Variants in SHROOM3 observed in about 807,000 individuals in gnomAD.
The protein encoded by SHROOM3 is shroom family member 3.
SHROOM3 carries 47 observed loss-of-function variants against 138.6 expected under a neutral mutation model. The ratio of observed to expected loss-of-function variants is 0.34; its 90% CI spans 0.27 to 0.43. The LOEUF (loss-of-function observed/expected upper bound fraction) is 0.43. SHROOM3 is among the 20% of genes least tolerant of loss of function. The pLI is 1.00. For missense variants in SHROOM3, 2,491 were observed against 2,596.5 expected (o/e 0.96, Z 0.88); for synonymous variants, 1,062 against 1,063.3 (o/e 1.00, Z 0.02).
At chr4:76,474,924 C>A (rs1469776933) in intron 1 of SHROOM3, among the ~76,000 whole-genome samples, 2 of 150,320 alleles carry the variant, frequency 1.3e-5, no homozygotes, top group Admixed American at 1.3e-4. Flanking sequence ...GAGACTCTGG[C>A]TCAAAAAAAA....
rs1735800578 is a variant in SHROOM3 at position 76,645,795 on chromosome 4, C to T, written c.324-64361C>T. The T allele has an allele frequency of 2.0e-5, 3 of 152,160 alleles. No homozygotes were observed. In the South Asian group the frequency reaches 6.2e-4, roughly 32 times the overall value. The allele number at this position is 152,160 out of a possible 1,614,324, so 9.4% of individuals were successfully genotyped here. ...CATTCTCAAGATATCTCATTATATA[C>T]ATGCAAATAGTCCAAAATCTGGAAA... On this transcript the variant is annotated intron_variant, in intron 2 of 10. Coordinates refer to ENST00000296043, the MANE Select transcript of SHROOM3 (RefSeq NM_020859.4).
intron 1 of SHROOM3, among the ~76,000 whole-genome samples, chr4:76,533,888 T>A (rs1732885155): frequency 6.6e-6 from 1 of 152,220 alleles, no homozygotes; most frequent in Non-Finnish European, 1.5e-5. Context: ...TCGAGTAGTG[T>A]CTGAGAACAC....
chr4:76,733,548 AG>A (rs1720944977), intron 4 of SHROOM3, among the ~76,000 whole-genome samples: 1 of 152,120 alleles, frequency 6.6e-6, no homozygotes, highest in Admixed American at 6.5e-5. Flanking sequence ...ACCATGCCTG[AG>A]GCTTGCAGCT....
intron 1 of SHROOM3, among the ~76,000 whole-genome samples, chr4:76,455,776 A>G (rs1731015019): frequency 6.6e-6 from 1 of 152,208 alleles, no homozygotes; most frequent in Non-Finnish European, 1.5e-5. Context: ...TAGTAATTTC[A>G]TATCCTTTCA....
At chr4:76,547,932 A>AACACACACACAC (rs57089323) in intron 1 of SHROOM3, among the ~76,000 whole-genome samples, 10,459 of 146,056 alleles carry the variant, frequency 0.072, 460 homozygotes, top group African/African-American at 0.098. Context: ...CCTGTCTCAA[A>AACACACACACAC]ACACACACAC....
chr4:76,681,447 T>C (rs1719188280), intron 2 of SHROOM3, among the ~76,000 whole-genome samples: 1 of 151,850 alleles, frequency 6.6e-6, no homozygotes, highest in African/African-American at 2.4e-5. Flanking sequence ...GAAATGTTAC[T>C]GTTTCTTTAA....
intron 1 of SHROOM3, among the ~76,000 whole-genome samples, chr4:76,444,521 T>G (rs1263994849): frequency 2.2e-5 from 3 of 133,652 alleles, no homozygotes; most frequent in Non-Finnish European, 3.1e-5. Context: ...TGAGACGGAG[T>G]CTTGCTCTGT....
intron 1 of SHROOM3, among the ~76,000 whole-genome samples, chr4:76,479,205 C>G (rs1239454680): frequency 7.9e-5 from 12 of 151,724 alleles, no homozygotes; most frequent in Non-Finnish European, 7.4e-5. Context: ...ATGTCCTAAC[C>G]CAATGCAAGG....
At chr4:76,496,134 G>A (rs1005811968) in intron 1 of SHROOM3, among the ~76,000 whole-genome samples, 2 of 152,340 alleles carry the variant, frequency 1.3e-5, no homozygotes, top group Admixed American at 1.3e-4. Flanking sequence ...GAAGGTTTAA[G>A]CATTTCTGCC....
rs114153824 is a variant in SHROOM3, at chr4:76,508,065, A to T, written c.169-47544A>T. On this transcript the variant is annotated intron_variant, in intron 1 of 10. Transcript: ENST00000296043. ...ATTTGAAACACAGTTTTAAATTTTGATGATGTCCAATTTATTTTTTTCTTT... is the reference window on the plus strand; with the variant it reads ...ATTTGAAACACAGTTTTAAATTTTGTTGATGTCCAATTTATTTTTTTCTTT... Among the ~76,000 whole-genome samples the T allele has an allele frequency of 3.8e-3, 582 of 152,198 alleles. 4 individuals carry two copies. Among genetic ancestry groups the T allele is most frequent in the African/African-American group, 0.013 (559 of 41,528 alleles).
rs552837523 is a variant in SHROOM3, at chr4:76,737,030, C to G, written c.588-1731C>G. Among the ~76,000 whole-genome samples, 7 of 152,286 alleles carry G rather than the reference C, an allele frequency of 4.6e-5. No individual in the cohort carries two copies. The South Asian group carries it at 1.5e-3, about 32-fold the overall frequency. The stretch of plus-strand genomic sequence containing the variant: ...TGACATGTATCCATCATTATAGTAT[C>G]GTACAGAATACTTTCACTGTCCTAA... On this transcript the variant is annotated intron_variant, in intron 4 of 10. Transcript: ENST00000296043.
chr4:76,471,931 A>G (rs1413256802), intron 1 of SHROOM3, among the ~76,000 whole-genome samples: 1 of 152,142 alleles, frequency 6.6e-6, no homozygotes, highest in Non-Finnish European at 1.5e-5. Context: ...CTGGTTTTAC[A>G]TCCTGTCTCT....
At chr4:76,749,494 A>T (rs4859712) in intron 6 of SHROOM3, among the ~76,000 whole-genome samples, 88,726 of 152,072 alleles carry the variant, frequency 0.58, 25,955 homozygotes, top group African/African-American at 0.61. Flanking sequence ...TGGAGGTGCT[A>T]TTCTTGAGCG....
intron 2 of SHROOM3, among the ~76,000 whole-genome samples, chr4:76,585,015 G>T (rs1268253205): frequency 6.6e-6 from 1 of 152,110 alleles, no homozygotes; most frequent in Admixed American, 6.6e-5. Context: ...AATAACTCTG[G>T]AATTCAAGTG....
At chr4:76,614,242 G>T (rs904202605) in intron 2 of SHROOM3, among the ~76,000 whole-genome samples, 7 of 152,046 alleles carry the variant, frequency 4.6e-5, no homozygotes, top group Non-Finnish European at 7.3e-5. Flanking sequence ...TTTTAGTAGA[G>T]ACAGGGTTTC....
At chr4:76,719,169 G>A (rs560044253) in intron 3 of SHROOM3, among the ~76,000 whole-genome samples, 1 of 152,274 alleles carries the variant, frequency 6.6e-6, no homozygotes, top group South Asian at 2.1e-4. Flanking sequence ...GCCCTCTGCA[G>A]CTATCTGAGC....
Position 76,535,299 on chromosome 4 carries a change from A to C in SHROOM3, c.169-20310A>C, listed in dbSNP as rs34943477. ...CCATTCCCACTGGATGTTGTTAGCC[A>C]TTGGGAGGGCTGTGCCTAATGGACT... On this transcript the variant is annotated intron_variant, in intron 1 of 10. Coordinates refer to ENST00000296043, the MANE Select transcript of SHROOM3 (RefSeq NM_020859.4). Among the ~76,000 whole-genome samples, 62 of 152,266 alleles carry C rather than the reference A, an allele frequency of 4.1e-4. 3 individuals are homozygous for C. In the South Asian group the frequency reaches 0.013, roughly 32 times the overall value.
chr4:76,571,260 T>C (rs1733827841), intron 2 of SHROOM3, among the ~76,000 whole-genome samples: 1 of 152,238 alleles, frequency 6.6e-6, no homozygotes, highest in Non-Finnish European at 1.5e-5. Context: ...TAAACTCCAG[T>C]CTATCTGATA....
intron 2 of SHROOM3, chr4:76,644,150 T>G (rs1409547845): frequency 6.6e-6 from 1 of 151,932 alleles, no homozygotes; most frequent in East Asian, 1.9e-4. Flanking sequence ...AGCCCACCTC[T>G]TTTCTTTTAT....
Sources: allele counts gnomAD v4.1 joint callset (sites outside exome capture counted in the v4.1 genomes callset), GRCh38; gene constraint gnomAD v4.1.1; transcripts MANE v1.5; gene names NCBI Gene and HGNC (gene_info 2026-07-23, HGNC 2026-07-21).